The following UNC13C variants were observed in gnomAD, a reference collection of about 807,000 sequenced individuals.
UNC13C encodes protein unc-13 homolog C.
A neutral mutation model predicts 245.4 loss-of-function variants in UNC13C; 174 were observed. That is an observed-to-expected ratio of 0.71 (90% CI 0.63 to 0.80). UNC13C has a LOEUF of 0.80. Ranked by LOEUF, UNC13C falls within the 30% of genes least tolerant of loss-of-function variation. The pLI is 0.00. For missense variants in UNC13C, 2,829 were observed against 2,602.9 expected, an observed-to-expected ratio of 1.09 and a Z score of -1.89; for synonymous variants, 992 against 895.1, an observed-to-expected ratio of 1.11 and a Z score of -1.93.
In UNC13C at chr15:54,294,001, CT is replaced by C. The variant is rs1472033400; in HGVS notation, c.3926del (p.Leu1309ArgfsTer6). ...TTTCAAAAAGGAGTCAGATGATTTT[CT>C]GGGACAAACAATTGTAGAAGTGAGG... The part of the protein sequence containing the change: ...QHFKKESDDF[L>X]GQTIVEVRTL... On this transcript the variant is annotated frameshift_variant, in exon 11 of 33. Transcript: ENST00000260323. LOFTEE classifies it high-confidence loss of function. 6.3e-7 allele frequency: 1 copy of C among 1,597,518 alleles called. No homozygotes were observed.
chr15:54,384,826 A>C (rs531207607), intron 17 of UNC13C, among the ~76,000 whole-genome samples: 1 of 152,220 alleles, frequency 6.6e-6, no homozygotes, highest in Non-Finnish European at 1.5e-5. Flanking sequence ...AAAAAATAAT[A>C]ATTCTATTAA....
chr15:53,856,861 T>C, the UNC13C span, among the ~76,000 whole-genome samples: 1 of 152,172 alleles, frequency 6.6e-6, no homozygotes, highest in African/African-American at 2.4e-5. Context: ...GTGATCTGTC[T>C]AATAATGACA....
chr15:54,094,131 C>A (rs1899723410), intron 2 of UNC13C, among the ~76,000 whole-genome samples: 1 of 152,118 alleles, frequency 6.6e-6, no homozygotes, highest in African/African-American at 2.4e-5. Context: ...TGACATGGAG[C>A]TCCTGATAAT....
At chr15:54,325,458 C>G (rs565828960) in intron 14 of UNC13C, among the ~76,000 whole-genome samples, 2 of 151,984 alleles carry the variant, frequency 1.3e-5, no homozygotes, top group Non-Finnish European at 2.9e-5. Context: ...ATGTGCACAA[C>G]GTGCAGTTTT....
intron 4 of UNC13C, among the ~76,000 whole-genome samples, chr15:54,144,389 AATT>A (rs2032165075): frequency 6.6e-6 from 1 of 152,098 alleles, no homozygotes; most frequent in Non-Finnish European, 1.5e-5. Flanking sequence ...AATAAGCATG[AATT>A]TAATGCTGAC....
chr15:54,492,418 T>TA (rs1026996983), intron 19 of UNC13C, among the ~76,000 whole-genome samples: 5 of 152,170 alleles, frequency 3.3e-5, no homozygotes, highest in African/African-American at 1.2e-4. Flanking sequence ...ATTTTAAAAA[T>TA]AAAAACTATT....
At chr15:53,978,238 C>T (rs143872715), upstream of UNC13C, among the ~76,000 whole-genome samples, 1,242 of 152,368 alleles carry the variant, frequency 8.2e-3, 7 homozygotes, top group South Asian at 0.03. Flanking sequence ...ATTCAGGCGT[C>T]TCCCAGCGAT....
chr15:54,610,359 C>G (rs1468582220), intron 30 of UNC13C, among the ~76,000 whole-genome samples: 1 of 152,076 alleles, frequency 6.6e-6, no homozygotes, highest in South Asian at 2.1e-4. Context: ...CTCCGCCTCC[C>G]TAGTATCTGG....
At position 54,444,452 on chromosome 15, in the gene UNC13C, T is replaced by G. The variant is rs369249067; in HGVS notation, c.4933+29385T>G. The stretch of plus-strand genomic sequence containing the variant: ...AAAGTGATCTTTTGTAGGCATGATA[T>G]AACTGTATCATGTACTTTTATCCAT... On this transcript the variant is annotated intron_variant, in intron 19 of 32. Coordinates refer to ENST00000260323, the MANE Select transcript of UNC13C (RefSeq NM_001080534.3). Among the ~76,000 whole-genome samples, 11 of 152,000 alleles carry G rather than the reference T, an allele frequency of 7.2e-5. No individual in the cohort carries two copies. The East Asian group carries it at 1.7e-3, about 24-fold the overall frequency.
chr15:54,467,318 TG>T (rs111890715), intron 19 of UNC13C, among the ~76,000 whole-genome samples: 22 of 151,830 alleles, frequency 1.4e-4, no homozygotes, highest in African/African-American at 5.1e-4. Context: ...TCCAAATATT[TG>T]CCAACAATTT....
chr15:54,402,898 GCTTT>G (rs1313256232), intron 18 of UNC13C, among the ~76,000 whole-genome samples: 1 of 152,060 alleles, frequency 6.6e-6, no homozygotes, highest in African/African-American at 2.4e-5. Flanking sequence ...CATCTTTTAG[GCTTT>G]CTATGTTTTA....
At chr15:54,052,905 T>A (rs1897333191) in intron 2 of UNC13C, among the ~76,000 whole-genome samples, 1 of 152,230 alleles carries the variant, frequency 6.6e-6, no homozygotes, top group Non-Finnish European at 1.5e-5. Flanking sequence ...TATAGAAAAG[T>A]ATTAGGTTGG....
rs564609978 is a variant in UNC13C at position 54,518,503 on chromosome 15, T to C, written c.5457+6673T>C. On this transcript the variant is annotated intron_variant, in intron 24 of 32. Transcript: ENST00000260323. The stretch of plus-strand genomic sequence containing the variant: ...GGAGACGGCTTCACTTTAACTGCCA[T>C]CTTCTATAATAAATCTATTTCATTA... 2.6e-5 allele frequency among the ~76,000 whole-genome samples: 4 copies of C among 152,334 alleles called. No individual in the cohort carries two copies. In the South Asian group the frequency reaches 8.3e-4, roughly 32 times the overall value.
At chr15:53,974,794 G>A (rs1430629428), upstream of UNC13C, 2 of 151,760 alleles carry the variant, frequency 1.3e-5, no homozygotes, top group Admixed American at 6.6e-5. Flanking sequence ...GTTCCTGTGG[G>A]CCAGAAATTC....
intron 26 of UNC13C, among the ~76,000 whole-genome samples, chr15:54,535,425 A>G (rs1159997435): frequency 6.6e-6 from 1 of 151,734 alleles, no homozygotes; most frequent in Admixed American, 6.6e-5. Context: ...TCACCATCCC[A>G]CTGAGACAGA....
intron 18 of UNC13C, among the ~76,000 whole-genome samples, chr15:54,397,252 C>T (rs1235877176): frequency 6.6e-6 from 1 of 151,310 alleles, no homozygotes; most frequent in Non-Finnish European, 1.5e-5. Flanking sequence ...ATATGGTTAT[C>T]TATTTTTTTA....
intron 1 of UNC13C, among the ~76,000 whole-genome samples, chr15:54,003,742 G>A (rs770879188): frequency 1.3e-5 from 2 of 152,190 alleles, no homozygotes; most frequent in Non-Finnish European, 2.9e-5. Flanking sequence ...GCCGGGCGCG[G>A]TGGCTTAAGC....
chr15:54,333,652 A>T, intron 15 of UNC13C, 115 bp from the exon 16 acceptor site: 2 of 617,206 alleles, frequency 3.2e-6, no homozygotes, highest in Non-Finnish European at 5.7e-6. Context: ...GAGTATTTTT[A>T]AAATTGTATA....
At chr15:54,221,010 C>G (rs977267986) in intron 4 of UNC13C, among the ~76,000 whole-genome samples, 2 of 151,992 alleles carry the variant, frequency 1.3e-5, no homozygotes, top group Non-Finnish European at 2.9e-5. Context: ...ACGTCCCACA[C>G]GTTGACAATT....
Sources: allele counts gnomAD v4.1 joint callset (sites outside exome capture counted in the v4.1 genomes callset), GRCh38; gene constraint gnomAD v4.1.1; transcripts MANE v1.5; gene names NCBI Gene and HGNC (gene_info 2026-07-23, HGNC 2026-07-21).